The following SLC66A2 variants were observed in gnomAD, a reference collection of about 807,000 sequenced individuals.
SLC66A2 encodes the protein PQ loop repeat containing 1.
A neutral mutation model predicts 25.5 loss-of-function variants in SLC66A2; 23 were observed. The observed-to-expected ratio is 0.90, with a 90% CI of 0.65 to 1.28. SLC66A2 has a LOEUF of 1.28. Among genes scored for constraint, SLC66A2 ranks in the 50% most tolerant of loss-of-function variants. The pLI, the probability that SLC66A2 is intolerant of heterozygous loss-of-function variation, is 0.00. For missense variants in SLC66A2, 396 were observed against 373.1 expected, an observed-to-expected ratio of 1.06 and a Z score of -0.51; for synonymous variants, 193 against 166.5, an observed-to-expected ratio of 1.16 and a Z score of -1.23.
At chr18:79,933,731 G>A (rs531815985) in intron 4 of SLC66A2, among the ~76,000 whole-genome samples, 5 of 152,092 alleles carry the variant, frequency 3.3e-5, no homozygotes, top group Non-Finnish European at 5.9e-5. Context: ...TCTCCCTCCT[G>A]CTTCCCCTTC....
chr18:79,936,594 T>C (rs949705911), intron 3 of SLC66A2, among the ~76,000 whole-genome samples: 2 of 152,130 alleles, frequency 1.3e-5, no homozygotes, highest in African/African-American at 4.8e-5. Flanking sequence ...TCAAGTAAAT[T>C]CAACCACCTG....
intron 4 of SLC66A2, chr18:79,924,835 T>A (rs1985739159): frequency 1.3e-5 from 2 of 152,238 alleles, no homozygotes; most frequent in Non-Finnish European, 2.9e-5. Context: ...GTCATTTGTA[T>A]CCAGAACAAT....
At chr18:79,932,539 G>A (rs540299046) in intron 4 of SLC66A2, among the ~76,000 whole-genome samples, 52 of 151,992 alleles carry the variant, frequency 3.4e-4, no homozygotes, top group African/African-American at 1.2e-3. Flanking sequence ...TATTTGACCA[G>A]AACAAAAAAT....
chr18:79,943,482 T>G lies in SLC66A2; in HGVS notation c.204-20A>C. 6.2e-7 allele frequency: 1 copy of G among 1,609,118 alleles called. No individual in the cohort carries two copies. Among genetic ancestry groups the G allele is most frequent in the Non-Finnish European group, 8.5e-7 (1 of 1,176,626 alleles). On this transcript the variant is annotated intron_variant, in intron 2 of 5. Coordinates refer to ENST00000397778, the MANE Select transcript of SLC66A2 (RefSeq NM_025078.5). ...CCAAACCTGCGGGAGAGACACTGTGTCAGGAGGGAGGTCCACCCATGCCAC... is the reference window on the plus strand; with the variant it reads ...CCAAACCTGCGGGAGAGACACTGTGGCAGGAGGGAGGTCCACCCATGCCAC...
intron 5 of SLC66A2, among the ~76,000 whole-genome samples, chr18:79,906,972 G>A (rs1982212753): frequency 6.6e-6 from 1 of 152,174 alleles, no homozygotes; most frequent in South Asian, 2.1e-4. Flanking sequence ...GCGACTCCAA[G>A]CTTTCTTTGG....
chr18:79,932,161 A>C (rs1986632164), intron 4 of SLC66A2, among the ~76,000 whole-genome samples: 1 of 152,212 alleles, frequency 6.6e-6, no homozygotes, highest in African/African-American at 2.4e-5. Context: ...TCAAAGAAGA[A>C]ATCTTGGAGT....
At chr18:79,925,465 C>T (rs147517247) in intron 4 of SLC66A2, among the ~76,000 whole-genome samples, 3 of 152,338 alleles carry the variant, frequency 2.0e-5, no homozygotes, top group Admixed American at 2.0e-4. Flanking sequence ...ACGAGGCATT[C>T]AATGCTAAAC....
At chr18:79,908,618 T>C (rs187743287) in intron 5 of SLC66A2, among the ~76,000 whole-genome samples, 18 of 152,296 alleles carry the variant, frequency 1.2e-4, no homozygotes, top group Admixed American at 9.8e-4. Flanking sequence ...TGTCACACTC[T>C]CCTCTCCTCT....
chr18:79,910,204 CAT>C (rs1324469908), intron 5 of SLC66A2, among the ~76,000 whole-genome samples: 3 of 126,342 alleles, frequency 2.4e-5, no homozygotes, highest in East Asian at 2.8e-4. Context: ...ACATCCTCAC[CAT>C]AGAGTCCCCA....
chr18:79,937,319 G>A lies in SLC66A2; in HGVS notation c.338-3297C>T, dbSNP rs191428672. On this transcript the variant is annotated intron_variant, in intron 3 of 5. Transcript: ENST00000397778. The surrounding 1 kb of genome is among the most constrained non-coding windows in gnomAD (Gnocchi z 5.4). ...GAAGCGAGACCCCTCATGCTGGGTC[G>A]AAAGGGCCCAGCAGCATCTGACGCG... Among the ~76,000 whole-genome samples, 15 of 152,076 alleles carry A rather than the reference G, an allele frequency of 9.9e-5. 1 individual carries two copies. In the South Asian group the frequency reaches 2.3e-3, roughly 23 times the overall value.
chr18:79,905,251 A>T (rs1382622868), intron 5 of SLC66A2, among the ~76,000 whole-genome samples: 8 of 152,302 alleles, frequency 5.3e-5, no homozygotes, highest in Middle Eastern at 3.4e-3. Flanking sequence ...GGTTTAGCTA[A>T]ATTATAAGGC....
chr18:79,913,526 G>C (rs1008284212), intron 5 of SLC66A2, among the ~76,000 whole-genome samples: 3 of 152,260 alleles, frequency 2.0e-5, no homozygotes, highest in African/African-American at 7.2e-5. Context: ...TTTCTAAAGG[G>C]AAGTCACTGT....
chr18:79,934,682 A>G (rs868680313), intron 3 of SLC66A2, among the ~76,000 whole-genome samples: 6 of 152,314 alleles, frequency 3.9e-5, no homozygotes, highest in Middle Eastern at 3.4e-3. Flanking sequence ...CCTGGAAAAC[A>G]GTGTGGCCTC....
chr18:79,929,857 G>A (rs949974271), intron 4 of SLC66A2, among the ~76,000 whole-genome samples: 2 of 152,124 alleles, frequency 1.3e-5, no homozygotes, highest in African/African-American at 4.8e-5. Flanking sequence ...TGAGCTGGCA[G>A]AAGAATCAGT....
intron 3 of SLC66A2, among the ~76,000 whole-genome samples, chr18:79,936,622 A>G (rs1015360440): frequency 1.3e-5 from 2 of 152,244 alleles, no homozygotes; most frequent in Non-Finnish European, 2.9e-5. Flanking sequence ...GCCACAGACA[A>G]TTATTTCTCA....
At chr18:79,925,731 C>T (rs139062376) in intron 4 of SLC66A2, among the ~76,000 whole-genome samples, 4 of 152,148 alleles carry the variant, frequency 2.6e-5, no homozygotes, top group African/African-American at 4.8e-5. Flanking sequence ...AAGGAAGATC[C>T]GATTTCTCAT....
At position 79,926,883 on chromosome 18, in the gene SLC66A2, T is replaced by G. The variant is rs145429917; in HGVS notation, c.391+7086A>C. Among the ~76,000 whole-genome samples the G allele has an allele frequency of 4.1e-3, 621 of 152,274 alleles. 5 individuals carry two copies. The highest frequency in any genetic ancestry group is 0.014 in the African/African-American group (589 of 41,540). ...TGTTACAGGTTACTGACCACAAGTGTTGGCAAAGAAACTGTTCTTTTAAGC... is the reference window on the plus strand; with the variant it reads ...TGTTACAGGTTACTGACCACAAGTGGTGGCAAAGAAACTGTTCTTTTAAGC... On this transcript the variant is annotated intron_variant, in intron 4 of 5. Coordinates refer to ENST00000397778, the MANE Select transcript of SLC66A2 (RefSeq NM_025078.5).
intron 5 of SLC66A2, among the ~76,000 whole-genome samples, chr18:79,910,294 T>TCA (rs745863787): frequency 6.9e-5 from 4 of 57,644 alleles, no homozygotes; most frequent in South Asian, 1.1e-3. Context: ...CCCCACCACC[T>TCA]CACCAGAGTC....
intron 5 of SLC66A2, among the ~76,000 whole-genome samples, chr18:79,905,139 G>A (rs1320484311): frequency 2.0e-5 from 3 of 152,212 alleles, no homozygotes; most frequent in African/African-American, 4.8e-5. Flanking sequence ...CACAGTGCTC[G>A]GCTCTAGAGC....
Sources: allele counts gnomAD v4.1 joint callset (sites outside exome capture counted in the v4.1 genomes callset), GRCh38; gene constraint gnomAD v4.1.1; non-coding constraint Gnocchi (gnomAD v3.1); transcripts MANE v1.5; gene names NCBI Gene and HGNC (gene_info 2026-07-23, HGNC 2026-07-21).